NKAIN3: variants seen among roughly 807,000 people sequenced by gnomAD.
NKAIN3 encodes the protein sodium/potassium transporting ATPase interacting 3.
NKAIN3 carries 25 observed loss-of-function variants against 30.2 expected under a neutral mutation model. The observed-to-expected ratio is 0.83, with a 90% CI of 0.60 to 1.16. NKAIN3 has a LOEUF of 1.16. Among genes scored for constraint, NKAIN3 ranks in the 50% most tolerant of loss-of-function variants. The pLI is 0.00. For synonymous variants in NKAIN3, 91 were observed against 89.6 expected, an observed-to-expected ratio of 1.02 and a Z score of -0.09; for missense variants, 225 against 254.1, an observed-to-expected ratio of 0.89 and a Z score of 0.78.
chr8:62,860,148 A>C (rs1820196684), intron 4 of NKAIN3, among the ~76,000 whole-genome samples: 1 of 152,214 alleles, frequency 6.6e-6, no homozygotes. Flanking sequence ...ACCTGAAACA[A>C]TAGTGGGAAG....
At chr8:62,380,788 G>C (rs976848980) in intron 1 of NKAIN3, among the ~76,000 whole-genome samples, 8 of 152,184 alleles carry the variant, frequency 5.3e-5, no homozygotes. Flanking sequence ...GCTTTGGTTT[G>C]GCAATCTACA....
intron 1 of NKAIN3, among the ~76,000 whole-genome samples, chr8:62,350,127 A>G (rs1038637890): frequency 2.0e-5 from 3 of 152,212 alleles, no homozygotes; most frequent in Non-Finnish European, 4.4e-5. Context: ...CAGGTTATAT[A>G]TGCAAAAGAG....
At chr8:62,403,349 A>G (rs1803951814) in intron 1 of NKAIN3, among the ~76,000 whole-genome samples, 1 of 152,248 alleles carries the variant, frequency 6.6e-6, no homozygotes, top group Non-Finnish European at 1.5e-5. Context: ...CAAGGAGCCA[A>G]ACGTTAATAG....
At chr8:62,664,134 C>A (rs955047753) in intron 3 of NKAIN3, among the ~76,000 whole-genome samples, 4 of 151,936 alleles carry the variant, frequency 2.6e-5, no homozygotes, top group African/African-American at 9.7e-5. Context: ...CTAGCAGAAG[C>A]TTTTACCTGT....
chr8:62,543,603 T>C (rs1289384486), intron 1 of NKAIN3, among the ~76,000 whole-genome samples: 2 of 152,182 alleles, frequency 1.3e-5, no homozygotes, highest in Admixed American at 6.5e-5. Context: ...GCCTAGAGTG[T>C]AATAGTTCAT....
At chr8:62,735,296 A>T (rs888137474) in intron 3 of NKAIN3, among the ~76,000 whole-genome samples, 3 of 151,832 alleles carry the variant, frequency 2.0e-5, no homozygotes, top group African/African-American at 7.2e-5. Context: ...TTGTTCCTTT[A>T]AAAAGTTTTT....
At chr8:62,755,973 G>A (rs763151740) in intron 4 of NKAIN3, among the ~76,000 whole-genome samples, 2 of 152,110 alleles carry the variant, frequency 1.3e-5, no homozygotes, top group Admixed American at 1.3e-4. Context: ...AATTGTTGGG[G>A]CCTGGAACTG....
chr8:62,741,639 C>T (rs1193293055), intron 3 of NKAIN3, among the ~76,000 whole-genome samples: 1 of 152,202 alleles, frequency 6.6e-6, no homozygotes, highest in East Asian at 1.9e-4. Flanking sequence ...CCCAAGCCCC[C>T]TTGCTTTGTT....
chr8:62,609,561 G>A (rs1811224371), intron 3 of NKAIN3, among the ~76,000 whole-genome samples: 1 of 151,976 alleles, frequency 6.6e-6, no homozygotes, highest in South Asian at 2.1e-4. Flanking sequence ...AAAAGAATTT[G>A]CTCTCAAAGA....
intron 5 of NKAIN3, among the ~76,000 whole-genome samples, chr8:62,945,862 C>T (rs1823108902): frequency 6.6e-6 from 1 of 152,128 alleles, no homozygotes; most frequent in South Asian, 2.1e-4. Flanking sequence ...CCCTCAAGGA[C>T]AATTGAACTA....
At chr8:62,498,153 A>G (rs1040089581) in intron 1 of NKAIN3, among the ~76,000 whole-genome samples, 1 of 152,104 alleles carries the variant, frequency 6.6e-6, no homozygotes, top group Non-Finnish European at 1.5e-5. Flanking sequence ...TTGGTATATA[A>G]TGTATCGTAA....
At chr8:62,616,176 A>G (rs1052558151) in intron 3 of NKAIN3, among the ~76,000 whole-genome samples, 1 of 152,064 alleles carries the variant, frequency 6.6e-6, no homozygotes, top group Admixed American at 6.6e-5. Context: ...CCATTCTCCA[A>G]TACCAAATGG....
chr8:62,544,208 G>T (rs1172915258), intron 1 of NKAIN3, among the ~76,000 whole-genome samples: 4 of 151,958 alleles, frequency 2.6e-5, no homozygotes, highest in African/African-American at 9.7e-5. Context: ...TCACCATGTT[G>T]CCCAGGCTGG....
At chr8:62,428,591 G>T (rs1804891375) in intron 1 of NKAIN3, among the ~76,000 whole-genome samples, 1 of 151,778 alleles carries the variant, frequency 6.6e-6, no homozygotes, top group Non-Finnish European at 1.5e-5. Context: ...GCAGTCCCCT[G>T]GTGACTAGTG....
At chr8:62,909,766 T>C (rs1402722610) in intron 4 of NKAIN3, among the ~76,000 whole-genome samples, 1 of 152,128 alleles carries the variant, frequency 6.6e-6, no homozygotes, top group Non-Finnish European at 1.5e-5. Flanking sequence ...TAAAAGGAAA[T>C]GTTTTAATTA....
intron 4 of NKAIN3, among the ~76,000 whole-genome samples, chr8:62,840,040 T>C (rs1041272316): frequency 2.0e-5 from 3 of 152,182 alleles, no homozygotes; most frequent in African/African-American, 7.2e-5. Context: ...TATGTATTCA[T>C]ATCCACATAC....
At chr8:62,769,325 A>G (rs937855030) in intron 4 of NKAIN3, among the ~76,000 whole-genome samples, 2 of 152,226 alleles carry the variant, frequency 1.3e-5, no homozygotes. Flanking sequence ...AGGAAGTAAT[A>G]AATTGTATGC....
At chr8:62,602,303 A>G (rs1196272954) in intron 3 of NKAIN3, among the ~76,000 whole-genome samples, 1 of 152,108 alleles carries the variant, frequency 6.6e-6, no homozygotes, top group Non-Finnish European at 1.5e-5. Context: ...CTATGCAAAT[A>G]TAATTGAAAC....
At chr8:62,935,572 C>T (rs1822758722) in intron 5 of NKAIN3, among the ~76,000 whole-genome samples, 1 of 152,008 alleles carries the variant, frequency 6.6e-6, no homozygotes. Flanking sequence ...TTCCAAAATG[C>T]AGTAGTACCT....
Sources: gnomAD v4.1 joint callset for allele counts (sites outside exome capture counted in the v4.1 genomes callset) on GRCh38, gnomAD v4.1.1 for gene constraint, MANE v1.5 for transcripts, NCBI Gene and HGNC (gene_info 2026-07-23, HGNC 2026-07-21) for gene names.